Variants in NFIA observed in about 807,000 individuals in gnomAD.
NFIA encodes the protein nuclear factor I A, also known as nuclear factor 1 A-type.
Under a neutral mutation model 62.8 loss-of-function variants are expected in NFIA, and 8 were observed. That is an observed-to-expected ratio of 0.13 (90% CI 0.07 to 0.23). The LOEUF (loss-of-function observed/expected upper bound fraction) is 0.23. NFIA is among the 10% of genes least tolerant of loss of function. The pLI, the probability that NFIA is intolerant of heterozygous loss-of-function variation, is 1.00. For synonymous variants in NFIA, 235 were observed against 238.1 expected (o/e 0.99, Z 0.12); for missense variants, 410 against 642.1 (o/e 0.64, Z 3.91).
chr1:61,335,619 G>C (rs1570598475), intron 4 of NFIA, among the ~76,000 whole-genome samples: 1 of 152,260 alleles, frequency 6.6e-6, no homozygotes, highest in South Asian at 2.1e-4. Context: ...AAGGCGGGTG[G>C]ATCACCTGAG....
At chr1:61,295,969 C>T (rs192719850) in intron 3 of NFIA, among the ~76,000 whole-genome samples, 15 of 152,290 alleles carry the variant, frequency 9.8e-5, no homozygotes, top group Non-Finnish European at 4.4e-5. Flanking sequence ...ATAAGAAATG[C>T]ACACTCCTCT....
Position 61,458,433 on chromosome 1 carries a change from G to C in NFIA, c.*3113G>C, listed in dbSNP as rs1040326465. 6.6e-6 allele frequency: 1 copy of C among 152,214 alleles called. No homozygotes were observed. The highest frequency in any genetic ancestry group is 1.5e-5 in the Non-Finnish European group (1 of 68,034). 9.4% of individuals were successfully genotyped at this position (152,214 alleles called of 1,614,324 possible). On this transcript the variant is annotated 3_prime_UTR_variant, in exon 11 of 11. Coordinates refer to ENST00000403491, the MANE Select transcript of NFIA (RefSeq NM_001134673.4). ...CATGTTGTAGTCATGACTGCAAAGA[G>C]AGAGAATAAACTGCCCGCTCAGAAG... is the stretch of plus-strand genomic sequence containing the variant.
At chr1:61,424,179 T>C (rs1360379810) in intron 9 of NFIA, among the ~76,000 whole-genome samples, 1 of 152,154 alleles carries the variant, frequency 6.6e-6, no homozygotes, top group Non-Finnish European at 1.5e-5. Context: ...AAATATCTGA[T>C]TGTTGGCCTC....
chr1:61,262,605 A>G (rs942261889), intron 2 of NFIA, among the ~76,000 whole-genome samples: 1 of 152,224 alleles, frequency 6.6e-6, no homozygotes, highest in Non-Finnish European at 1.5e-5. Flanking sequence ...AAAACTTAAG[A>G]GATGCTTTCC....
At chr1:61,324,450 C>T (rs908116497) in intron 3 of NFIA, among the ~76,000 whole-genome samples, 1 of 152,194 alleles carries the variant, frequency 6.6e-6, no homozygotes, top group Non-Finnish European at 1.5e-5. Flanking sequence ...TTGCCTACAT[C>T]CCTTAACCAG....
intron 2 of NFIA, among the ~76,000 whole-genome samples, chr1:61,183,636 T>C (rs1308888834): frequency 6.6e-6 from 1 of 152,166 alleles, no homozygotes. Context: ...AGTAAACACT[T>C]TCCCTTGGAT....
At chr1:61,449,505 G>T (rs1394887597) in intron 10 of NFIA, among the ~76,000 whole-genome samples, 1 of 152,214 alleles carries the variant, frequency 6.6e-6, no homozygotes, top group Non-Finnish European at 1.5e-5. Context: ...CCCCTCTGAA[G>T]AAGGGACATC....
intron 2 of NFIA, among the ~76,000 whole-genome samples, chr1:61,218,631 CAT>C (rs1653802407): frequency 6.6e-6 from 1 of 152,160 alleles, no homozygotes; most frequent in Admixed American, 6.5e-5. Flanking sequence ...TTCTTCCAAA[CAT>C]ATATATGTAT....
At chr1:61,131,253 A>G (rs530624945) in intron 2 of NFIA, among the ~76,000 whole-genome samples, 316 of 151,090 alleles carry the variant, frequency 2.1e-3, no homozygotes, top group Non-Finnish European at 2.9e-3. Context: ...CACTCTGGCT[A>G]GGAAAGTAAC....
intron 10 of NFIA, among the ~76,000 whole-genome samples, chr1:61,446,992 G>C (rs1667839794): frequency 6.6e-6 from 1 of 152,172 alleles, no homozygotes; most frequent in Non-Finnish European, 1.5e-5. Flanking sequence ...AAGTGTTTCT[G>C]TCTGCACTTG....
chr1:61,175,850 C>T (rs1209383288), intron 2 of NFIA, among the ~76,000 whole-genome samples: 1 of 152,224 alleles, frequency 6.6e-6, no homozygotes, highest in Non-Finnish European at 1.5e-5. Flanking sequence ...GACACCTACT[C>T]TGTGCCACAA....
intron 2 of NFIA, among the ~76,000 whole-genome samples, chr1:61,146,800 G>T (rs1255409687): frequency 6.6e-6 from 1 of 151,824 alleles, no homozygotes; most frequent in African/African-American, 2.4e-5. Flanking sequence ...TGTAAAGTCT[G>T]TGTATCAATG....
At chr1:61,116,338 G>T (rs1280195670) in intron 2 of NFIA, among the ~76,000 whole-genome samples, 1 of 152,180 alleles carries the variant, frequency 6.6e-6, no homozygotes, top group Non-Finnish European at 1.5e-5. Flanking sequence ...GCAAGTGTAA[G>T]GATTTTTAGT....
chr1:61,412,476 A>G (rs1384701790), intron 9 of NFIA, among the ~76,000 whole-genome samples: 1 of 152,130 alleles, frequency 6.6e-6, no homozygotes, highest in East Asian at 1.9e-4. Flanking sequence ...AGATTTGCTG[A>G]CACATTAGAT....
chr1:61,277,688 A>G (rs1657891052), intron 3 of NFIA, 103 bp downstream of exon 3: 3 of 1,102,700 alleles, frequency 2.7e-6, no homozygotes, highest in South Asian at 1.3e-5. Context: ...AGTAGCCCAC[A>G]GTAGGAACAA....
At chr1:61,222,905 T>G (rs1362490207) in intron 2 of NFIA, among the ~76,000 whole-genome samples, 1 of 152,064 alleles carries the variant, frequency 6.6e-6, no homozygotes, top group Non-Finnish European at 1.5e-5. Context: ...GAAACAGATT[T>G]CTGAGGCTAT....
chr1:61,175,579 C>T (rs1445243578), intron 2 of NFIA, among the ~76,000 whole-genome samples: 13 of 152,180 alleles, frequency 8.5e-5, no homozygotes. Flanking sequence ...GTAACAATGC[C>T]ATACCTCCTC....
intron 2 of NFIA, among the ~76,000 whole-genome samples, chr1:61,246,061 A>G (rs1655624191): frequency 1.3e-5 from 2 of 152,096 alleles, no homozygotes; most frequent in Admixed American, 6.5e-5. Context: ...AAAAACCACT[A>G]TTTTCTAGTG....
At chr1:61,256,245 C>T (rs556082044) in intron 2 of NFIA, among the ~76,000 whole-genome samples, 33 of 151,776 alleles carry the variant, frequency 2.2e-4, no homozygotes, top group Non-Finnish European at 4.9e-4. Context: ...CCAGCCTGGC[C>T]AACATGGTGA....
Sources: gnomAD v4.1 joint callset for allele counts (sites outside exome capture counted in the v4.1 genomes callset) on GRCh38, gnomAD v4.1.1 for gene constraint, MANE v1.5 for transcripts, NCBI Gene and HGNC (gene_info 2026-07-23, HGNC 2026-07-21) for gene names.